Variants in MALRD1 observed in about 807,000 individuals in gnomAD.
MALRD1 encodes the protein MAM and LDL-receptor class A domain-containing protein 1.
MALRD1 carries 247 observed loss-of-function variants against 242.1 expected under a neutral mutation model. The observed-to-expected ratio is 1.02, with a 90% CI of 0.92 to 1.13. The LOEUF (loss-of-function observed/expected upper bound fraction) is 1.13, where lower values mean the gene tolerates loss of function less well. Among genes scored for constraint, MALRD1 ranks in the 50% most tolerant of loss-of-function variants. The probability of loss-of-function intolerance (pLI) is 0.00; values close to 1 mark genes in which losing one functional copy is unlikely to be tolerated. For synonymous variants in MALRD1, 995 were observed against 866.6 expected, an observed-to-expected ratio of 1.15 and a Z score of -2.60; for missense variants, 2,989 against 2,533.1, an observed-to-expected ratio of 1.18 and a Z score of -3.86.
rs116533717 is a variant in MALRD1, at chr10:19,650,617, A to C, written c.6137+34694A>C. Reference sequence around the variant, plus strand: ...TAGCAAAATAATGATGAGGTGGGGAAATGGAATTATATTGTTGTGAATTTA... The same window carrying C: ...TAGCAAAATAATGATGAGGTGGGGACATGGAATTATATTGTTGTGAATTTA... On this transcript the variant is annotated intron_variant, in intron 36 of 39. Coordinates refer to ENST00000454679, the MANE Select transcript of MALRD1 (RefSeq NM_001142308.3). 9.4e-3 allele frequency among the ~76,000 whole-genome samples: 1,429 copies of C among 152,278 alleles called. 21 individuals are homozygous for C. Among genetic ancestry groups the C allele is most frequent in the African/African-American group, 0.032 (1,341 of 41,546 alleles).
chr10:19,645,216 A>C (rs1295699256), intron 36 of MALRD1, among the ~76,000 whole-genome samples: 2 of 152,164 alleles, frequency 1.3e-5, no homozygotes, highest in Non-Finnish European at 2.9e-5. Context: ...GATCATTAAA[A>C]AGTCAGGAAC....
intron 36 of MALRD1, among the ~76,000 whole-genome samples, chr10:19,678,991 T>C (rs1362034145): frequency 6.6e-6 from 1 of 152,206 alleles, no homozygotes; most frequent in Non-Finnish European, 1.5e-5. Context: ...CAGCCTTGCA[T>C]CCCGGGGTTG....
chr10:19,170,194 A>C (rs1209322827), intron 13 of MALRD1, among the ~76,000 whole-genome samples: 2 of 152,190 alleles, frequency 1.3e-5, no homozygotes, highest in African/African-American at 4.8e-5. Context: ...TTATTGGAAA[A>C]ATTTAGGTCA....
chr10:19,376,044 C>T (rs1588985493), intron 26 of MALRD1, among the ~76,000 whole-genome samples: 2 of 152,178 alleles, frequency 1.3e-5, no homozygotes, highest in South Asian at 2.1e-4. Flanking sequence ...ATTGGTTGAA[C>T]CCAGGAGATG....
At chr10:19,200,873 T>A (rs548684232) in intron 14 of MALRD1, among the ~76,000 whole-genome samples, 1 of 152,200 alleles carries the variant, frequency 6.6e-6, no homozygotes, top group South Asian at 2.1e-4. Context: ...AATCATTAGC[T>A]TTTTAATCTA....
chr10:19,070,568 C>T (rs1835113230), intron 2 of MALRD1, among the ~76,000 whole-genome samples: 1 of 152,054 alleles, frequency 6.6e-6, no homozygotes, highest in Non-Finnish European at 1.5e-5. Context: ...GTTACCTTTT[C>T]ATCCATTTTA....
intron 29 of MALRD1, among the ~76,000 whole-genome samples, chr10:19,456,955 C>T: frequency 6.6e-6 from 1 of 151,836 alleles, no homozygotes; most frequent in Non-Finnish European, 1.5e-5. Context: ...CAAAACAAAA[C>T]AAAAGAACCT....
intron 32 of MALRD1, among the ~76,000 whole-genome samples, chr10:19,560,543 C>T (rs925522176): frequency 1.3e-5 from 2 of 152,052 alleles, no homozygotes; most frequent in African/African-American, 4.8e-5. Flanking sequence ...TTCCCAATAG[C>T]AAAGACTTGG....
At chr10:19,283,581 T>G (rs1186302814) in intron 21 of MALRD1, among the ~76,000 whole-genome samples, 1 of 152,094 alleles carries the variant, frequency 6.6e-6, no homozygotes, top group East Asian at 1.9e-4. Context: ...CCCCTCCCCT[T>G]TCCCCTTTCT....
chr10:19,155,669 CTT>C (rs1417776130), intron 12 of MALRD1, among the ~76,000 whole-genome samples: 1 of 152,154 alleles, frequency 6.6e-6, no homozygotes, highest in Non-Finnish European at 1.5e-5. Flanking sequence ...GTTCAAGTCT[CTT>C]TTGCCACTTT....
At chr10:19,450,010 A>C (rs974183586) in intron 28 of MALRD1, among the ~76,000 whole-genome samples, 5 of 152,140 alleles carry the variant, frequency 3.3e-5, no homozygotes, top group Admixed American at 6.6e-5. Context: ...AGATACAACT[A>C]ATTTCAGGTT....
intron 18 of MALRD1, among the ~76,000 whole-genome samples, chr10:19,223,940 G>C (rs577755207): frequency 6.6e-5 from 10 of 152,246 alleles, no homozygotes; most frequent in African/African-American, 2.4e-4. Flanking sequence ...TCTTTATCCA[G>C]TCTATCATTG....
intron 28 of MALRD1, among the ~76,000 whole-genome samples, chr10:19,436,455 A>G (rs1424492881): frequency 2.6e-5 from 4 of 152,202 alleles, no homozygotes; most frequent in African/African-American, 9.6e-5. Flanking sequence ...CCTGGTTTCT[A>G]TATAACATTC....
intron 11 of MALRD1, among the ~76,000 whole-genome samples, chr10:19,147,922 G>T (rs1158787237): frequency 2.6e-5 from 4 of 152,174 alleles, no homozygotes; most frequent in Non-Finnish European, 5.9e-5. Context: ...AGAAAGATGG[G>T]AGTAGTTAGG....
chr10:19,275,875 A>G (rs1840494275), intron 19 of MALRD1, among the ~76,000 whole-genome samples: 1 of 152,138 alleles, frequency 6.6e-6, no homozygotes, highest in Admixed American at 6.5e-5. Context: ...CCATAAATAT[A>G]CATAATATAC....
rs1564295403 is a variant in MALRD1, at chr10:19,387,694, C to T, written c.4608C>T (p.Asp1536=). The change falls in exon 27 of 40, where the codon GAC becomes GAT. Residue 1536 remains aspartate, a synonymous_variant. Transcript: ENST00000454679. ...GTGGCTGGCAAAACTCCCAGGCTGA[C>T]AACTTTGATTGGGTTTTAGGGGTTG... ...GWCGWQNSQA[D]NFDWVLGVGS... The T allele has an allele frequency of 3.9e-6, 6 of 1,550,354 alleles. No individual in the cohort carries two copies. The highest frequency in any genetic ancestry group is 1.2e-5 in the South Asian group (1 of 84,050).
Position 19,084,336 on chromosome 10 carries a change from T to A in MALRD1, c.341-3504T>A, listed in dbSNP as rs550809987. On this transcript the variant is annotated intron_variant, in intron 2 of 39. Transcript: ENST00000454679. ...ATGTGTTTGTCAGAAATTAGTGCAC[T>A]TTCATATTTCTATAAGTTTTGACAT... Among the ~76,000 whole-genome samples, 15 of 151,984 alleles carry A rather than the reference T, an allele frequency of 9.9e-5. 1 individual carries two copies. The South Asian group carries it at 3.1e-3, about 32-fold the overall frequency.
chr10:19,368,869 GTA>G (rs1328947864), intron 26 of MALRD1, among the ~76,000 whole-genome samples: 12 of 58,728 alleles, frequency 2.0e-4, no homozygotes, highest in African/African-American at 8.0e-4. Context: ...GGTGATTTGT[GTA>G]TGTGTGTGTG....
At chr10:19,260,735 T>G (rs1839709236) in intron 19 of MALRD1, among the ~76,000 whole-genome samples, 1 of 152,158 alleles carries the variant, frequency 6.6e-6, no homozygotes, top group Non-Finnish European at 1.5e-5. Context: ...GGGGCAGGAT[T>G]AATGCCTTTA....
Sources: allele counts gnomAD v4.1 joint callset (sites outside exome capture counted in the v4.1 genomes callset), GRCh38; gene constraint gnomAD v4.1.1; transcripts MANE v1.5; gene names NCBI Gene and HGNC (gene_info 2026-07-23, HGNC 2026-07-21).